Variants in ARAP1 observed in about 807,000 individuals in gnomAD.
ARAP1 encodes the protein arf-GAP with Rho-GAP domain, ANK repeat and PH domain-containing protein 1.
Under a neutral mutation model 172.2 loss-of-function variants are expected in ARAP1, and 76 were observed. That is an observed-to-expected ratio of 0.44 (90% CI 0.37 to 0.53). The LOEUF (loss-of-function observed/expected upper bound fraction) is 0.53. Among genes scored for constraint, ARAP1 ranks in the 20% least tolerant of loss-of-function variants. The pLI is 0.00. For synonymous variants in ARAP1, 804 were observed against 803.3 expected, an observed-to-expected ratio of 1.00 and a Z score of -0.01; for missense variants, 1,686 against 1,977.5, an observed-to-expected ratio of 0.85 and a Z score of 2.80.
chr11:72,693,485 T>C lies in ARAP1; in HGVS notation c.3809-15A>G, dbSNP rs369990534. ...GACACGGCTGGCTGGGGGGTGGGAC[T>C]GGAGTGGGCACAGGCTGCACCAACC... On this transcript the variant is annotated splice_polypyrimidine_tract_variant and intron_variant, in intron 28 of 34. Transcript: ENST00000393609. This position sits in a 1 kb window ranked among gnomAD's most constrained non-coding sequence, Gnocchi z 4.6. 5.8e-5 allele frequency: 93 copies of C among 1,610,212 alleles called. No homozygotes were observed. The highest frequency in any genetic ancestry group is 7.1e-5 in the Non-Finnish European group (84 of 1,177,690).
intron 30 of ARAP1, chr11:72,689,017 A>T (rs918188665): frequency 6.3e-6 from 1 of 157,832 alleles, no homozygotes; most frequent in Non-Finnish European, 1.4e-5. Flanking sequence ...TCTCTGCCCC[A>T]TGGAGGCTCC....
Position 72,726,776 on chromosome 11 carries a change from G to T in ARAP1, c.353C>A (p.Pro118Gln), listed in dbSNP as rs868175436. The part of the protein sequence containing the change: ...DEGLPAAPPI[P>Q]PRRSCLPPTC... ...GGGCGGAAGGCAGCTCCTCCGGGGC[G>T]GGATGGGTGGGGCAGCGGGGAGCCC... is the stretch of plus-strand genomic sequence containing the variant. The change falls in exon 3 of 35, where the codon CCG becomes CAG. Residue 118 changes from proline to glutamine, a missense_variant. Coordinates refer to ENST00000393609, the MANE Select transcript of ARAP1 (RefSeq NM_001040118.3). The surrounding 1 kb of genome is among the most constrained non-coding windows in gnomAD (Gnocchi z 6.5). The T allele has an allele frequency of 1.3e-6, 2 of 1,549,374 alleles. No individual in the cohort carries two copies. Among genetic ancestry groups the T allele is most frequent in the Non-Finnish European group, 8.7e-7 (1 of 1,146,578 alleles).
intron 1 of ARAP1, among the ~76,000 whole-genome samples, chr11:72,748,260 A>G (rs541014469): frequency 3.9e-5 from 6 of 152,266 alleles, no homozygotes; most frequent in Middle Eastern, 3.4e-3. Flanking sequence ...AGTGGCTCAC[A>G]CCTGTAATCC....
At chr11:72,715,721 G>A (rs1344239859) in intron 3 of ARAP1, among the ~76,000 whole-genome samples, 5 of 151,878 alleles carry the variant, frequency 3.3e-5, no homozygotes, top group Admixed American at 1.3e-4. Flanking sequence ...AAGGTGTAGA[G>A]ACTGGGTCTT....
chr11:72,751,920 G>C (rs1858543517), intron 1 of ARAP1, among the ~76,000 whole-genome samples: 1 of 152,222 alleles, frequency 6.6e-6, no homozygotes, highest in Non-Finnish European at 1.5e-5. Context: ...GCAGAGACCG[G>C]AAGTAGCCTG....
Position 72,695,002 on chromosome 11 carries a change from C to T in ARAP1, c.3672G>A (p.Glu1224=). Reference sequence around the variant, plus strand: ...CACCTGCCTCCTCCCTCTCGTTGACCTCAAAGCAGGTCCAATAGTCCTTCT... The same window carrying T: ...CACCTGCCTCCTCCCTCTCGTTGACTTCAAAGCAGGTCCAATAGTCCTTCT... The part of the protein sequence containing the change: ...IREKDYWTCF[E]VNEREEAERP... The change falls in exon 27 of 35, where the codon GAG becomes GAA. Residue 1224 remains glutamate (E), a synonymous_variant. Coordinates refer to ENST00000393609, the MANE Select transcript of ARAP1 (RefSeq NM_001040118.3). The surrounding 1 kb of genome is among the most constrained non-coding windows in gnomAD (Gnocchi z 4.4). 1.2e-6 allele frequency: 2 copies of T among 1,614,118 alleles called. No individual in the cohort carries two copies. The highest frequency in any genetic ancestry group is 8.5e-7 in the Non-Finnish European group (1 of 1,180,016).
chr11:72,714,259 G>A lies in ARAP1; in HGVS notation c.572C>T (p.Ser191Phe), dbSNP rs1284236805. ...GGGGAGGGTGGACAGGGGCTCCTCAGACTGTGGCTGGGGAGGGGATGATAA... is the reference window on the plus strand; with the variant it reads ...GGGGAGGGTGGACAGGGGCTCCTCAAACTGTGGCTGGGGAGGGGATGATAA... Reference protein sequence around the residue: ...PSLSSPPQPQSEEPLSTLPQG... With the variant: ...PSLSSPPQPQFEEPLSTLPQG... Residue 191 changes from serine (S) to phenylalanine (F), a missense_variant, in exon 4 of 35, where the codon TCT (serine) becomes TTT (phenylalanine). By Grantham distance (155) the Ser-to-Phe change is radical. Around this residue, in one of 5 missense-constraint regions of ARAP1, gnomAD observed 155 missense variants for 129.2 expected, o/e 1.20. Coordinates refer to ENST00000393609, the MANE Select transcript of ARAP1 (RefSeq NM_001040118.3). 2 of 1,542,776 alleles carry A rather than the reference G, an allele frequency of 1.3e-6. No individual in the cohort carries two copies. The highest frequency in any genetic ancestry group is 2.1e-5 in the Admixed American group (1 of 48,542).
intron 1 of ARAP1, among the ~76,000 whole-genome samples, chr11:72,733,636 G>A (rs892958325): frequency 1.3e-5 from 2 of 152,234 alleles, no homozygotes; most frequent in East Asian, 3.9e-4. Flanking sequence ...CCAGGACCTG[G>A]AACAGTCAGG....
At chr11:72,723,708 C>A (rs1334559845) in intron 3 of ARAP1, among the ~76,000 whole-genome samples, 1 of 152,204 alleles carries the variant, frequency 6.6e-6, no homozygotes, top group South Asian at 2.1e-4. Context: ...AAGCTCAGCA[C>A]GTGCCAGTAC....
At chr11:72,739,430 G>C (rs752205121) in intron 1 of ARAP1, among the ~76,000 whole-genome samples, 4 of 152,128 alleles carry the variant, frequency 2.6e-5, no homozygotes, top group Non-Finnish European at 5.9e-5. Flanking sequence ...CCCCAGAGCC[G>C]GGGGAATGAA....
chr11:72,718,486 T>C (rs1857377056), intron 3 of ARAP1, among the ~76,000 whole-genome samples: 1 of 151,654 alleles, frequency 6.6e-6, no homozygotes, highest in African/African-American at 2.4e-5. Flanking sequence ...GCCCTCTCCC[T>C]CCCGTAGCCC....
At chr11:72,712,681 T>C in intron 5 of ARAP1, 113 bp from the exon 6 acceptor site, 1 of 1,537,672 alleles carries the variant, frequency 6.5e-7, no homozygotes. Flanking sequence ...AGCCCAGCAC[T>C]TTTAGTTCTG....
chr11:72,706,671 T>C (rs1284442920), intron 12 of ARAP1, among the ~76,000 whole-genome samples: 2 of 152,182 alleles, frequency 1.3e-5, no homozygotes, highest in Admixed American at 6.5e-5. Flanking sequence ...CTGGATCCTA[T>C]GGCAGCCTCC....
chr11:72,699,291 G>T lies in ARAP1; in HGVS notation c.2438+126C>A. 1 of 1,482,162 alleles carries T rather than the reference G, an allele frequency of 6.7e-7. No homozygotes were observed. Among genetic ancestry groups the T allele is most frequent in the Admixed American group, 1.9e-5 (1 of 51,816 alleles). 91.8% of individuals were successfully genotyped at this position (1,482,162 alleles called of 1,614,324 possible). A position where few individuals can be genotyped will look rare whatever the true frequency, so the allele number is the denominator to read the frequency against. Reference sequence around the variant, plus strand: ...CCTCAAGAGACTGGAGTCGGCCCTTGTGCAGCCTCCGTTTGCTGTGTGACT... The same window carrying T: ...CCTCAAGAGACTGGAGTCGGCCCTTTTGCAGCCTCCGTTTGCTGTGTGACT... On this transcript the variant is annotated intron_variant, in intron 17 of 34. Transcript: ENST00000393609. The surrounding 1 kb of genome is among the most constrained non-coding windows in gnomAD (Gnocchi z 4.2).
chr11:72,705,521 C>T (rs1247869686), intron 13 of ARAP1: 6 of 384,890 alleles, frequency 1.6e-5, no homozygotes, highest in Admixed American at 4.5e-5. Context: ...TAATTATTTT[C>T]GGCTTTACAG....
Position 72,699,392 on chromosome 11 carries a change from G to A in ARAP1, c.2438+25C>T, listed in dbSNP as rs1405771494. On this transcript the variant is annotated intron_variant, in intron 17 of 34. Transcript: ENST00000393609. This position sits in a 1 kb window ranked among gnomAD's most constrained non-coding sequence, Gnocchi z 4.2. ...GGGATTGTACCTTATAGCAACCACA[G>A]TCTGATTTGCCCAGGAGTACTCACC... 6.2e-7 allele frequency: 1 copy of A among 1,613,930 alleles called. No homozygotes were observed. The highest frequency in any genetic ancestry group is 1.7e-5 in the Admixed American group (1 of 60,012).
Position 72,703,099 on chromosome 11 carries a change from G to A in ARAP1, c.1993-20C>T. ...CAGGGCCTAGGAAGAGGCAGGGGAG[G>A]GTCAGCCCAAGAAGGAGTAGGGGGC... On this transcript the variant is annotated intron_variant, in intron 14 of 34. Coordinates refer to ENST00000393609, the MANE Select transcript of ARAP1 (RefSeq NM_001040118.3). The A allele has an allele frequency of 3.3e-6, 5 of 1,532,266 alleles. No homozygotes were observed. The highest frequency in any genetic ancestry group is 4.4e-6 in the Non-Finnish European group (5 of 1,142,804). The allele number at this position is 1,532,266 out of a possible 1,614,324, so 94.9% of individuals were successfully genotyped here. A position where few individuals can be genotyped will look rare whatever the true frequency, so the allele number is the denominator to read the frequency against.
chr11:72,698,912 T>C (rs1856339439), intron 18 of ARAP1, 93 bp downstream of exon 18: 4 of 1,321,150 alleles, frequency 3.0e-6, no homozygotes, highest in East Asian at 4.6e-5. Flanking sequence ...TTCTGCTCTC[T>C]AGACGGGGGA....
chr11:72,744,116 C>T (rs1360826020), intron 1 of ARAP1, among the ~76,000 whole-genome samples: 1 of 152,158 alleles, frequency 6.6e-6, no homozygotes, highest in East Asian at 1.9e-4. Context: ...CCGACTCCCA[C>T]AGTCACAGCC....
Sources: gnomAD v4.1 joint callset for allele counts (sites outside exome capture counted in the v4.1 genomes callset) on GRCh38, gnomAD v4.1.1 for gene constraint, gnomAD v4.1.1 regional missense constraint, Gnocchi (gnomAD v3.1) non-coding constraint, MANE v1.5 for transcripts, NCBI Gene and HGNC (gene_info 2026-07-23, HGNC 2026-07-21) for gene names.